MTHFS: variants seen among roughly 807,000 people sequenced by gnomAD.
The protein encoded by MTHFS is 5-formyltetrahydrofolate cyclo-ligase.
Under a neutral mutation model 12.7 loss-of-function variants are expected in MTHFS, and 7 were observed. The observed-to-expected ratio is 0.55, with a 90% confidence interval of 0.31 to 1.03. The LOEUF is 1.03. MTHFS is among the 50% of genes least tolerant of loss of function. MTHFS has a pLI of 0.05. For synonymous variants in MTHFS, 100 were observed against 97.1 expected (o/e 1.03, Z -0.18); for missense variants, 252 against 258.1 (o/e 0.98, Z 0.16).
At chr15:79,848,258 A>G (rs984813705) in intron 2 of MTHFS, among the ~76,000 whole-genome samples, 3 of 152,250 alleles carry the variant, frequency 2.0e-5, no homozygotes, top group African/African-American at 7.2e-5. Context: ...AAAGACAAAT[A>G]CTTTATGATG....
At chr15:79,847,312 G>C (rs1237228240) in intron 2 of MTHFS, among the ~76,000 whole-genome samples, 2 of 152,084 alleles carry the variant, frequency 1.3e-5, no homozygotes, top group African/African-American at 4.8e-5. Flanking sequence ...TACAGGCATG[G>C]AGATTTGGGG....
chr15:79,895,890 C>G (rs2034559228), intron 1 of MTHFS, among the ~76,000 whole-genome samples: 1 of 152,176 alleles, frequency 6.6e-6, no homozygotes, highest in Non-Finnish European at 1.5e-5. Flanking sequence ...GCTGGGAAGA[C>G]AGATCATCAG....
intron 2 of MTHFS, among the ~76,000 whole-genome samples, chr15:79,850,960 G>C (rs1297476379): frequency 6.6e-6 from 1 of 152,138 alleles, no homozygotes; most frequent in Non-Finnish European, 1.5e-5. Flanking sequence ...AAGATGTCCT[G>C]AACTCAGACT....
chr15:79,858,710 T>C (rs1670047941), intron 2 of MTHFS, among the ~76,000 whole-genome samples: 2 of 152,198 alleles, frequency 1.3e-5, no homozygotes, highest in African/African-American at 4.8e-5. Flanking sequence ...ATTCAATCCA[T>C]CTCATAAATA....
intron 2 of MTHFS, among the ~76,000 whole-genome samples, chr15:79,850,409 GA>G (rs544489476): frequency 6.6e-6 from 1 of 152,336 alleles, no homozygotes; most frequent in South Asian, 2.1e-4. Flanking sequence ...AAAGACCAGA[GA>G]GTAAATAATT....
intron 2 of MTHFS, among the ~76,000 whole-genome samples, chr15:79,859,094 A>AG (rs1426887609): frequency 6.6e-6 from 1 of 152,236 alleles, no homozygotes; most frequent in Non-Finnish European, 1.5e-5. Context: ...ATAAATGGGG[A>AG]GGCACACCAT....
chr15:79,864,547 C>CAAAAAAAAAAA lies in MTHFS; in HGVS notation c.380-19116_380-19106dup, dbSNP rs58698908. 1.2e-3 allele frequency among the ~76,000 whole-genome samples: 76 copies of CAAAAAAAAAAA among 64,530 alleles called. 1 individual carries two copies. The highest frequency in any genetic ancestry group is 1.6e-3 in the African/African-American group (22 of 13,372). The allele number at this position is 64,530 out of a possible 152,430, so 42.3% of individuals were successfully genotyped here. Reference sequence around the variant, plus strand: ...GCAACAAAGTGAGACTCCATCTCAACAAAAAAAAAAAAAAAAAAAAAAAAA... The same window carrying CAAAAAAAAAAA: ...GCAACAAAGTGAGACTCCATCTCAACAAAAAAAAAAAAAAAAAAAAAAAAAAAAAAAAAAAA... On this transcript the variant is annotated intron_variant, in intron 2 of 2. Transcript: ENST00000258874.
At chr15:79,889,853 C>T (rs996465284) in intron 1 of MTHFS, among the ~76,000 whole-genome samples, 2 of 152,140 alleles carry the variant, frequency 1.3e-5, no homozygotes, top group Non-Finnish European at 2.9e-5. Context: ...CTGCCGAACC[C>T]TTACTACATT....
intron 2 of MTHFS, among the ~76,000 whole-genome samples, chr15:79,861,085 A>G (rs1258910583): frequency 6.6e-6 from 1 of 152,228 alleles, no homozygotes; most frequent in Non-Finnish European, 1.5e-5. Context: ...TCAAGCACTT[A>G]TATGCACTGG....
intron 2 of MTHFS, among the ~76,000 whole-genome samples, chr15:79,888,320 A>T (rs926855051): frequency 2.0e-5 from 3 of 152,212 alleles, no homozygotes; most frequent in Admixed American, 2.0e-4. Context: ...CAGGGCCAAG[A>T]TTAGGAAGAA....
intron 2 of MTHFS, among the ~76,000 whole-genome samples, chr15:79,856,584 T>C (rs1429047889): frequency 6.6e-6 from 1 of 152,030 alleles, no homozygotes; most frequent in Non-Finnish European, 1.5e-5. Context: ...AATCAGAAAG[T>C]AGAATGGTGG....
intron 2 of MTHFS, among the ~76,000 whole-genome samples, chr15:79,868,955 T>C (rs1189557747): frequency 6.6e-6 from 1 of 152,114 alleles, no homozygotes; most frequent in Non-Finnish European, 1.5e-5. Context: ...ATACACTAGG[T>C]GCATTTTTTT....
chr15:79,891,233 T>C (rs1355686782), intron 1 of MTHFS, among the ~76,000 whole-genome samples: 8 of 151,980 alleles, frequency 5.3e-5, no homozygotes, highest in Admixed American at 5.2e-4. Context: ...AAAGCAACCA[T>C]AAAAGGCAGA....
intron 2 of MTHFS, among the ~76,000 whole-genome samples, chr15:79,859,817 CA>C (rs368106807): frequency 0.033 from 1,949 of 58,872 alleles, 13 homozygotes; most frequent in Middle Eastern, 0.1. Context: ...GAATACATGT[CA>C]AAAAAAAAAA....
At chr15:79,897,102 C>T (rs1384563568), upstream of MTHFS, 5 of 1,031,444 alleles carry the variant, frequency 4.8e-6, no homozygotes, top group East Asian at 3.3e-5. Context: ...GGTCGGGGCT[C>T]GGGGAAGCGC....
intron 2 of MTHFS, among the ~76,000 whole-genome samples, chr15:79,852,769 A>T (rs1019275559): frequency 6.6e-6 from 1 of 152,218 alleles, no homozygotes; most frequent in Non-Finnish European, 1.5e-5. Flanking sequence ...TCATTCTGCT[A>T]ATCAGTTACT....
intron 2 of MTHFS, among the ~76,000 whole-genome samples, chr15:79,851,866 CAGG>C (rs1232004123): frequency 1.3e-5 from 2 of 152,160 alleles, no homozygotes; most frequent in African/African-American, 2.4e-5. Context: ...AGAGGTAGTA[CAGG>C]AGAGGGGTTA....
chr15:79,883,016 G>A (rs2141371503), intron 2 of MTHFS, among the ~76,000 whole-genome samples: 1 of 152,298 alleles, frequency 6.6e-6, no homozygotes, highest in Middle Eastern at 3.4e-3. Context: ...GATCAGCCTG[G>A]GCAACAGAGT....
chr15:79,885,008 C>T (rs1255993760), intron 2 of MTHFS, among the ~76,000 whole-genome samples: 1 of 152,222 alleles, frequency 6.6e-6, no homozygotes, highest in Admixed American at 6.5e-5. Flanking sequence ...CCAAATTTCT[C>T]CAGCCTCCTG....
Sources: gnomAD v4.1 joint callset for allele counts (sites outside exome capture counted in the v4.1 genomes callset) on GRCh38, gnomAD v4.1.1 for gene constraint, MANE v1.5 for transcripts, NCBI Gene and HGNC (gene_info 2026-07-23, HGNC 2026-07-21) for gene names.